Variants in MROH1 observed in about 807,000 individuals in gnomAD.
MROH1 encodes the protein maestro heat like repeat family member 1, also known as maestro heat-like repeat-containing protein family member 1.
Under a neutral mutation model 116.5 loss-of-function variants are expected in MROH1, and 117 were observed. The observed-to-expected ratio is 1.00, with a 90% CI of 0.86 to 1.17. MROH1 has a LOEUF of 1.17. Ranked by LOEUF, MROH1 falls within the 50% of genes most tolerant of loss-of-function variation. The probability of loss-of-function intolerance (pLI) is 0.00; values close to 1 mark genes in which losing one functional copy is unlikely to be tolerated. For synonymous variants in MROH1, 921 were observed against 583.9 expected (o/e 1.58, Z -8.32); for missense variants, 1,873 against 1,338.5 (o/e 1.40, Z -6.23).
In MROH1 at chr8:144,261,846, C is replaced by T; in HGVS notation, c.*106C>T. ...AGCCTGGGCACACGACTGGAGGGGC[C>T]TGGCCCCAGAACAGGCACTGCTGGG... is the stretch of plus-strand genomic sequence containing the variant. On this transcript the variant is annotated 3_prime_UTR_variant, in exon 44 of 44. Transcript: ENST00000326134. The T allele has an allele frequency of 4.3e-6, 3 of 695,904 alleles. No individual in the cohort carries two copies. In the South Asian group the frequency reaches 4.5e-5, roughly 10 times the overall value. The allele number at this position is 695,904 out of a possible 1,614,324, so 43.1% of individuals were successfully genotyped here.
rs909251499 is a variant in MROH1, at chr8:144,238,745, C to T, written c.1339-11C>T. On this transcript the variant is annotated splice_polypyrimidine_tract_variant and intron_variant, in intron 14 of 43. Transcript: ENST00000326134. ...CGCCCACGCACGCCTTTGCCTTTTGCCTTCCTCCAGCCTGAGAAGCCAGGC... is the reference window on the plus strand; with the variant it reads ...CGCCCACGCACGCCTTTGCCTTTTGTCTTCCTCCAGCCTGAGAAGCCAGGC... 4.9e-5 allele frequency: 38 copies of T among 770,398 alleles called. No homozygotes were observed. The African/African-American group carries it at 5.6e-4, about 11-fold the overall frequency. The allele number at this position is 770,398 out of a possible 1,614,324, so 47.7% of individuals were successfully genotyped here.
chr8:144,151,969 G>C lies in MROH1; in HGVS notation c.-177+3893G>C, dbSNP rs981599036. 4.9e-4 allele frequency among the ~76,000 whole-genome samples: 74 copies of C among 152,308 alleles called. No homozygotes were observed. In the East Asian group the frequency reaches 0.014, roughly 29 times the overall value. On this transcript the variant is annotated intron_variant, in intron 1 of 43. Coordinates refer to ENST00000326134, the MANE Select transcript of MROH1 (RefSeq NM_032450.3). ...TCAGCACAGTCCCCATATGTCTGCC[G>C]GCGATCTCTCTCTCTTCTGAGAATT...
Position 144,182,272 on chromosome 8 carries a change from G to A in MROH1, c.562+1749G>A, listed in dbSNP as rs760041420. Among the ~76,000 whole-genome samples, 12 of 152,216 alleles carry A rather than the reference G, an allele frequency of 7.9e-5. No homozygotes were observed. Among genetic ancestry groups the A allele is most frequent in the African/African-American group, 2.4e-4 (10 of 41,466 alleles). ...CCTCAGGGCACTGCAGCCAGGAGGCGAGGAGCCTCAGGGAAGACTCCCAGT... is the reference window on the plus strand; with the variant it reads ...CCTCAGGGCACTGCAGCCAGGAGGCAAGGAGCCTCAGGGAAGACTCCCAGT... On this transcript the variant is annotated intron_variant, in intron 7 of 43. Transcript: ENST00000326134. This position sits in a 1 kb window ranked among gnomAD's most constrained non-coding sequence, Gnocchi z 4.1.
chr8:144,148,027 C>G lies in MROH1; in HGVS notation c.-226C>G, dbSNP rs1281769504. On this transcript the variant is annotated 5_prime_UTR_variant, in exon 1 of 44. Transcript: ENST00000326134. ...GCGCGGCTCCGCCCACTCCGGGCCC[C>G]TGCTGGGCGGGAAGGCGGCGCCCCG... is the stretch of plus-strand genomic sequence containing the variant. 1 of 152,128 alleles carries G rather than the reference C, an allele frequency of 6.6e-6. No homozygotes were observed. The highest frequency in any genetic ancestry group is 1.5e-5 in the Non-Finnish European group (1 of 68,054). The allele number at this position is 152,128 out of a possible 1,614,324, so 9.4% of individuals were successfully genotyped here. A position where few individuals can be genotyped will look rare whatever the true frequency, so the allele number is the denominator to read the frequency against.
chr8:144,194,474 G>A (rs551214406), intron 10 of MROH1, among the ~76,000 whole-genome samples: 2 of 152,288 alleles, frequency 1.3e-5, no homozygotes, highest in South Asian at 2.1e-4. Flanking sequence ...GCAATTCCCT[G>A]TAAGGTCAAT....
chr8:144,204,251 C>T (rs567171908), intron 12 of MROH1, among the ~76,000 whole-genome samples: 9 of 152,252 alleles, frequency 5.9e-5, no homozygotes, highest in East Asian at 1.9e-4. Context: ...GCTGGGACTG[C>T]GGGTGTGCAC....
At chr8:144,213,362 C>A (rs960722899) in intron 12 of MROH1, 2 of 394,418 alleles carry the variant, frequency 5.1e-6, no homozygotes, top group Non-Finnish European at 9.0e-6. Context: ...TTGCTGGTTA[C>A]AGGATTCTTG....
intron 10 of MROH1, among the ~76,000 whole-genome samples, chr8:144,195,410 G>A (rs540238990): frequency 6.8e-6 from 1 of 146,914 alleles, no homozygotes; most frequent in Non-Finnish European, 1.5e-5. Flanking sequence ...GCTGAGGCAG[G>A]AGAATGGCAT....
rs780200855 is a variant in MROH1 at position 144,192,417 on chromosome 8, CAG to C, written c.948+17_948+18del. ...GCACTCCCAGGTAGGAGGCGGGCGT[CAG>C]GGGGCGGGTCCAGGTTCTGCACACC... is the stretch of plus-strand genomic sequence containing the variant. On this transcript the variant is annotated intron_variant, in intron 10 of 43. Coordinates refer to ENST00000326134, the MANE Select transcript of MROH1 (RefSeq NM_032450.3). 5 of 1,568,406 alleles carry C rather than the reference CAG, an allele frequency of 3.2e-6. No individual in the cohort carries two copies. Among genetic ancestry groups the C allele is most frequent in the South Asian group, 1.2e-5 (1 of 86,110 alleles).
At chr8:144,236,727 A>G (rs1172048228) in intron 14 of MROH1, among the ~76,000 whole-genome samples, 5 of 151,620 alleles carry the variant, frequency 3.3e-5, no homozygotes, top group African/African-American at 1.2e-4. Context: ...TGGGTGACAG[A>G]GCGAGACTCC....
Position 144,258,778 on chromosome 8 carries a change from T to C in MROH1, c.3793T>C (p.Ser1265Pro). 1.3e-6 allele frequency: 1 copy of C among 767,374 alleles called. No individual in the cohort carries two copies. The allele number at this position is 767,374 out of a possible 1,614,324, so 47.5% of individuals were successfully genotyped here. ...CTGAGCACCCTGGCAATCCTGCAGC[T>C]CTGCAGTGGACACCCTGCGGTCCAT... ...LATRNLEPCS[S>P]AVDTLRSMLL... Residue 1265 changes from serine to proline, a missense_variant and splice_region_variant, in exon 36 of 44, where the codon TCT becomes CCT. Coordinates refer to ENST00000326134, the MANE Select transcript of MROH1 (RefSeq NM_032450.3).
At chr8:144,216,902 C>A (rs1835387959) in intron 12 of MROH1, among the ~76,000 whole-genome samples, 1 of 152,060 alleles carries the variant, frequency 6.6e-6, no homozygotes, top group Middle Eastern at 3.2e-3. Context: ...GTTGGTCAGG[C>A]TGGTCTCAAA....
chr8:144,250,818 C>T (rs1842733522), intron 33 of MROH1: 2 of 343,280 alleles, frequency 5.8e-6, no homozygotes, highest in Non-Finnish European at 1.1e-5. Flanking sequence ...CCTCAGGAGC[C>T]CAAGGACAAC....
intron 8 of MROH1, 82 bp from the exon 9 acceptor site, chr8:144,191,633 G>C (rs1052271823): frequency 1.1e-5 from 17 of 1,542,304 alleles, no homozygotes; most frequent in Non-Finnish European, 1.5e-5. Flanking sequence ...GTTCACGTCC[G>C]TCACGGGTGC....
At chr8:144,226,718 G>A (rs1837897648) in intron 14 of MROH1, among the ~76,000 whole-genome samples, 1 of 152,224 alleles carries the variant, frequency 6.6e-6, no homozygotes, top group Admixed American at 6.5e-5. Context: ...CTCCCAAAGT[G>A]CTGGGATTAC....
At chr8:144,172,400 A>AT (rs1564389974) in intron 4 of MROH1, among the ~76,000 whole-genome samples, 29 of 147,812 alleles carry the variant, frequency 2.0e-4, no homozygotes, top group African/African-American at 6.5e-4. Context: ...GCAACATTTA[A>AT]CTTTTTTTTT....
At chr8:144,221,556 G>A (rs1215234517) in intron 13 of MROH1, among the ~76,000 whole-genome samples, 1 of 152,026 alleles carries the variant, frequency 6.6e-6, no homozygotes, top group Non-Finnish European at 1.5e-5. Context: ...TCCTCTTGAG[G>A]TCCTTCTGTG....
chr8:144,215,904 G>A (rs186365647), intron 12 of MROH1, among the ~76,000 whole-genome samples: 19 of 139,998 alleles, frequency 1.4e-4, no homozygotes, highest in African/African-American at 4.8e-4. Flanking sequence ...AATGAAACAC[G>A]GGCTGGGTGC....
At chr8:144,239,277 G>A (rs896981656) in intron 16 of MROH1, 46 bp from the exon 17 acceptor site, 9 of 778,402 alleles carry the variant, frequency 1.2e-5, no homozygotes, top group East Asian at 7.3e-5. Context: ...CCCGCCCCAG[G>A]GCTACAGGCA....
Sources: gnomAD v4.1 joint callset for allele counts (sites outside exome capture counted in the v4.1 genomes callset) on GRCh38, gnomAD v4.1.1 for gene constraint, Gnocchi (gnomAD v3.1) non-coding constraint, MANE v1.5 for transcripts, NCBI Gene and HGNC (gene_info 2026-07-23, HGNC 2026-07-21) for gene names.